Variants in ZDHHC13 observed in about 807,000 individuals in gnomAD.
ZDHHC13 encodes the protein palmitoyltransferase ZDHHC13.
Under a neutral mutation model 86.0 loss-of-function variants are expected in ZDHHC13, and 85 were observed. The ratio of observed to expected loss-of-function variants is 0.99; its 90% CI spans 0.83 to 1.18. The LOEUF is 1.18. Ranked by LOEUF, ZDHHC13 falls within the 50% of genes most tolerant of loss-of-function variation. ZDHHC13 has a pLI of 0.00. For missense variants in ZDHHC13, 711 were observed against 730.2 expected, an observed-to-expected ratio of 0.97 and a Z score of 0.30; for synonymous variants, 263 against 246.4, an observed-to-expected ratio of 1.07 and a Z score of -0.63.
chr11:19,161,114 G>T (rs1025882818), intron 10 of ZDHHC13, among the ~76,000 whole-genome samples: 1 of 151,986 alleles, frequency 6.6e-6, no homozygotes, highest in Non-Finnish European at 1.5e-5. Context: ...CCTTGTGGAT[G>T]AACTGAGATG....
chr11:19,169,962 T>G (rs898121011), intron 14 of ZDHHC13: 4 of 995,832 alleles, frequency 4.0e-6, no homozygotes, highest in Non-Finnish European at 3.6e-6. Flanking sequence ...TCTGATGATA[T>G]CTAGGTGCTT....
intron 8 of ZDHHC13, among the ~76,000 whole-genome samples, chr11:19,153,325 C>T (rs1027835487): frequency 1.3e-5 from 2 of 152,082 alleles, no homozygotes; most frequent in Non-Finnish European, 2.9e-5. Context: ...AAATCTAAGT[C>T]ATAGAAGTGA....
intron 16 of ZDHHC13, 129 bp from the exon 17 acceptor site, chr11:19,175,693 T>C (rs1397486547): frequency 2.0e-6 from 2 of 1,018,394 alleles, no homozygotes; most frequent in Non-Finnish European, 2.8e-6. Context: ...CTATCTGATC[T>C]ACCCCATCTA....
At chr11:19,170,314 T>A (rs1850184270) in intron 14 of ZDHHC13, 97 bp from the exon 15 acceptor site, 1 of 1,459,194 alleles carries the variant, frequency 6.9e-7, no homozygotes, top group Non-Finnish European at 9.0e-7. Context: ...ATACTTTCTC[T>A]TCTCCCTATA....
At position 19,158,933 on chromosome 11, in the gene ZDHHC13, C is replaced by A; in HGVS notation, c.1008-7C>A. ...CTAATAACTTATATTTATCTTTTTT[C>A]TTTTAGGTTCTTGGTTGGGTATAAG... On this transcript the variant is annotated splice_region_variant and splice_polypyrimidine_tract_variant and intron_variant, in intron 9 of 16. Transcript: ENST00000446113. 1.3e-6 allele frequency: 2 copies of A among 1,504,280 alleles called. No homozygotes were observed. The highest frequency in any genetic ancestry group is 1.3e-5 in the South Asian group (1 of 75,634). The allele number at this position is 1,504,280 out of a possible 1,614,324, so 93.2% of individuals were successfully genotyped here. A position where few individuals can be genotyped will look rare whatever the true frequency, so the allele number is the denominator to read the frequency against.
At chr11:19,129,958 C>T (rs1213452618) in intron 1 of ZDHHC13, among the ~76,000 whole-genome samples, 6 of 152,050 alleles carry the variant, frequency 3.9e-5, no homozygotes, top group Non-Finnish European at 7.4e-5. Flanking sequence ...TGTGGTGGCA[C>T]GCATCTGTAG....
chr11:19,127,123 T>G (rs1848896564), intron 1 of ZDHHC13, among the ~76,000 whole-genome samples: 1 of 152,208 alleles, frequency 6.6e-6, no homozygotes, highest in South Asian at 2.1e-4. Context: ...CATCTCTTAT[T>G]TTTTGACGTT....
intron 13 of ZDHHC13, 128 bp downstream of exon 13, chr11:19,165,273 C>A: frequency 1.2e-6 from 1 of 803,172 alleles, no homozygotes; most frequent in East Asian, 2.7e-5. Flanking sequence ...AGCAATGGGC[C>A]CATGCATCGT....
chr11:19,122,338 G>A (rs1202260602), intron 1 of ZDHHC13, among the ~76,000 whole-genome samples: 1 of 152,086 alleles, frequency 6.6e-6, no homozygotes, highest in Non-Finnish European at 1.5e-5. Context: ...GATTGGATTA[G>A]ATCATCTTTG....
intron 1 of ZDHHC13, among the ~76,000 whole-genome samples, chr11:19,133,488 G>A (rs4757758): frequency 0.66 from 100,361 of 151,744 alleles, 33,849 homozygotes; most frequent in Admixed American, 0.76. Context: ...ACTGGGAACA[G>A]TCCAAATATC....
intron 7 of ZDHHC13, 112 bp from the exon 8 acceptor site, chr11:19,152,447 G>T: frequency 1.5e-5 from 22 of 1,443,196 alleles, no homozygotes; most frequent in Non-Finnish European, 1.9e-5. Flanking sequence ...ATAATAGCTG[G>T]CTATCCTTGG....
At chr11:19,126,952 T>G (rs1193169325) in intron 1 of ZDHHC13, among the ~76,000 whole-genome samples, 6 of 152,216 alleles carry the variant, frequency 3.9e-5, no homozygotes, top group Non-Finnish European at 8.8e-5. Flanking sequence ...GTAGAATGAT[T>G]TATAGTCCTT....
At chr11:19,170,686 G>T (rs1430578247) in intron 15 of ZDHHC13, 118 bp downstream of exon 15, 2 of 1,012,136 alleles carry the variant, frequency 2.0e-6, no homozygotes, top group Non-Finnish European at 2.8e-6. Flanking sequence ...CACTGACTCT[G>T]TGGGTCTAGC....
chr11:19,139,330 G>T (rs1287104580), intron 1 of ZDHHC13, among the ~76,000 whole-genome samples: 31 of 152,104 alleles, frequency 2.0e-4, no homozygotes, highest in African/African-American at 6.0e-4. Context: ...TCAAAGAGAA[G>T]AAAATACCTA....
rs1848875477 is a variant in ZDHHC13, at chr11:19,126,340, T to TCC, written c.27+9064_27+9065insCC. Among the ~76,000 whole-genome samples the TCC allele has an allele frequency of 2.5e-5, 2 of 78,856 alleles. 1 individual carries two copies. Among genetic ancestry groups the TCC allele is most frequent in the South Asian group, 9.2e-4 (2 of 2,166 alleles). 51.7% of individuals were successfully genotyped at this position (78,856 alleles called of 152,430 possible). On this transcript the variant is annotated intron_variant, in intron 1 of 16. Transcript: ENST00000446113. ...CCCTTCTTCTTTTTTTCTTTTCTTT[T>TCC]TCTTTTTTTTTTTTGCAGTGGAGTC...
intron 8 of ZDHHC13, among the ~76,000 whole-genome samples, chr11:19,153,147 T>A (rs1163773588): frequency 1.3e-5 from 2 of 152,198 alleles, no homozygotes; most frequent in African/African-American, 2.4e-5. Context: ...ATTTTAGGCA[T>A]ATGATGTCAC....
chr11:19,120,019 G>A (rs775689027), intron 1 of ZDHHC13, among the ~76,000 whole-genome samples: 1 of 152,114 alleles, frequency 6.6e-6, no homozygotes, highest in Non-Finnish European at 1.5e-5. Flanking sequence ...TCTTGATTTT[G>A]GCTTAAATTA....
chr11:19,165,077 A>G lies in ZDHHC13; in HGVS notation c.1322A>G (p.His441Arg), dbSNP rs754541564. The G allele has an allele frequency of 6.2e-7, 1 of 1,612,982 alleles. No individual in the cohort carries two copies. Among genetic ancestry groups the G allele is most frequent in the East Asian group, 2.2e-5 (1 of 44,868 alleles). The change falls in exon 13 of 17, where the codon CAC becomes CGC. Residue 441 changes from histidine to arginine, a missense_variant. Coordinates refer to ENST00000446113, the MANE Select transcript of ZDHHC13 (RefSeq NM_019028.3). ...ATAAGGAAGCCATTAAGGTCACTCCACTGCCATGTATGCAACTGCTGTGTG... is the reference window on the plus strand; with the variant it reads ...ATAAGGAAGCCATTAAGGTCACTCCGCTGCCATGTATGCAACTGCTGTGTG... The part of the protein sequence containing the change: ...CLIRKPLRSL[H>R]CHVCNCCVAR...
At chr11:19,173,550 C>G (rs758810685) in intron 16 of ZDHHC13, among the ~76,000 whole-genome samples, 2 of 151,992 alleles carry the variant, frequency 1.3e-5, no homozygotes, top group Non-Finnish European at 2.9e-5. Flanking sequence ...GCTGTTGGTA[C>G]AAGATGAAAC....
Sources: gnomAD v4.1 joint callset for allele counts (sites outside exome capture counted in the v4.1 genomes callset) on GRCh38, gnomAD v4.1.1 for gene constraint, MANE v1.5 for transcripts, NCBI Gene and HGNC (gene_info 2026-07-23, HGNC 2026-07-21) for gene names.